SPMAP2: variants seen among roughly 807,000 people sequenced by gnomAD.
SPMAP2 encodes the protein Theg homolog.
chr19:372,688 C>T, the SPMAP2 span: 116 of 1,614,034 alleles, frequency 7.2e-5, no homozygotes, highest in Admixed American at 3.8e-4. Context: ...TTCCTCCACG[C>T]GGCGGGACAC....
chr19:369,900 T>A, the SPMAP2 span, among the ~76,000 whole-genome samples: 1 of 152,328 alleles, frequency 6.6e-6, no homozygotes, highest in South Asian at 2.1e-4. Flanking sequence ...TATTTTTACT[T>A]CTTTTGTGGA....
the SPMAP2 span, among the ~76,000 whole-genome samples, chr19:374,901 T>C: frequency 6.6e-6 from 1 of 152,228 alleles, no homozygotes. Context: ...ATATCTGCCC[T>C]GTCCTTGCTT....
At chr19:373,665 G>A in the SPMAP2 span, 4 of 784,468 alleles carry the variant, frequency 5.1e-6, no homozygotes, top group Non-Finnish European at 8.5e-6. Context: ...GGCCAGAGAA[G>A]GACAGTGGGG....
chr19:373,672 G>T, the SPMAP2 span: 2 of 743,324 alleles, frequency 2.7e-6, no homozygotes, highest in South Asian at 3.4e-5. Flanking sequence ...GAAGGACAGT[G>T]GGGGGGCCGG....
At chr19:366,262 T>TACATTTGAA in the SPMAP2 span, among the ~76,000 whole-genome samples, 4 of 152,234 alleles carry the variant, frequency 2.6e-5, no homozygotes, top group Admixed American at 6.5e-5. Context: ...TATTTATATG[T>TACATTTGAA]ACATTTGAAA....
At chr19:370,435 G>A in the SPMAP2 span, among the ~76,000 whole-genome samples, 2 of 151,094 alleles carry the variant, frequency 1.3e-5, no homozygotes, top group East Asian at 2.0e-4. Context: ...TCCGCCTCCC[G>A]GGTTCAAGCG....
chr19:373,974 G>A, the SPMAP2 span: 4 of 1,613,622 alleles, frequency 2.5e-6, no homozygotes, highest in South Asian at 3.3e-5. Context: ...ATCTTACATG[G>A]GGAGATCCAG....
the SPMAP2 span, among the ~76,000 whole-genome samples, chr19:362,715 C>G: frequency 1.4e-5 from 2 of 142,418 alleles, no homozygotes; most frequent in African/African-American, 5.4e-5. Context: ...GCAGTGAGCG[C>G]AGATCGCGTC....
At chr19:364,144 T>A in the SPMAP2 span, among the ~76,000 whole-genome samples, 1 of 149,696 alleles carries the variant, frequency 6.7e-6, no homozygotes, top group Non-Finnish European at 1.5e-5. Context: ...CCATCCTGGC[T>A]CACACGGTGA....
the SPMAP2 span, chr19:367,310 A>G: frequency 3.0e-6 from 4 of 1,316,210 alleles, no homozygotes; most frequent in Non-Finnish European, 4.1e-6. Flanking sequence ...CAGGAGCAAC[A>G]CTGAAAGACA....
At chr19:369,932 C>A in the SPMAP2 span, among the ~76,000 whole-genome samples, 1 of 152,224 alleles carries the variant, frequency 6.6e-6, no homozygotes, top group East Asian at 1.9e-4. Flanking sequence ...TTCAGGCCAT[C>A]TGGATGTATA....
chr19:364,161 A>G, the SPMAP2 span, among the ~76,000 whole-genome samples: 83,807 of 146,140 alleles, frequency 0.57, 24,607 homozygotes, highest in Middle Eastern at 0.69. Flanking sequence ...GTGAAATCCC[A>G]TCTCTACTAA....
At chr19:369,967 G>A in the SPMAP2 span, among the ~76,000 whole-genome samples, 1 of 152,180 alleles carries the variant, frequency 6.6e-6, no homozygotes, top group Non-Finnish European at 1.5e-5. Flanking sequence ...GGGATGCGAC[G>A]GCTTGGCTTG....
the SPMAP2 span, chr19:374,226 G>C: frequency 6.3e-7 from 1 of 1,587,628 alleles, no homozygotes; most frequent in South Asian, 1.1e-5. Flanking sequence ...GTGGGGACAG[G>C]AGGAGCCCGG....
chr19:367,116 G>A, the SPMAP2 span: 8 of 1,613,112 alleles, frequency 5.0e-6, no homozygotes, highest in East Asian at 1.8e-4. Flanking sequence ...TTGGGTTTTG[G>A]CACGGGGTCC....
At chr19:373,620 C>A in the SPMAP2 span, 2 of 1,222,696 alleles carry the variant, frequency 1.6e-6, no homozygotes, top group Non-Finnish European at 2.2e-6. Flanking sequence ...GGAGGGTGGC[C>A]GAGGTGGGGT....
the SPMAP2 span, chr19:374,392 C>T: frequency 6.2e-7 from 1 of 1,614,118 alleles, no homozygotes; most frequent in Non-Finnish European, 8.5e-7. Flanking sequence ...CATGGTGGTG[C>T]TGGGGAGCTT....
At chr19:374,708 G>A in the SPMAP2 span, 81 of 461,466 alleles carry the variant, frequency 1.8e-4, no homozygotes, top group Admixed American at 1.0e-3. Context: ...CTCCCACCTG[G>A]CGGGGCTGTT....
At chr19:372,043 G>A in the SPMAP2 span, among the ~76,000 whole-genome samples, 68 of 152,294 alleles carry the variant, frequency 4.5e-4, no homozygotes, top group East Asian at 0.011. Context: ...GTATGATTTG[G>A]CGTTAAAAAG....
Sources: gnomAD v4.1 joint callset for allele counts (sites outside exome capture counted in the v4.1 genomes callset) on GRCh38, gnomAD v4.1.1 for gene constraint, MANE v1.5 for transcripts, NCBI Gene and HGNC (gene_info 2026-07-23, HGNC 2026-07-21) for gene names.